The following FBXL17 variants were observed in gnomAD, a reference collection of about 807,000 sequenced individuals.
The protein encoded by FBXL17 is F-box and leucine rich repeat protein 17, also known as F-box/LRR-repeat protein 17.
In FBXL17, 22 loss-of-function variants were observed where a neutral mutation model predicts 66.2. The ratio of observed to expected loss-of-function variants is 0.33; its 90% confidence interval spans 0.24 to 0.47. The LOEUF (loss-of-function observed/expected upper bound fraction) is 0.47, where lower values mean the gene tolerates loss of function less well. Among genes scored for constraint, FBXL17 ranks in the 20% least tolerant of loss-of-function variants. The pLI, the probability that FBXL17 is intolerant of heterozygous loss-of-function variation, is 1.00. For synonymous variants in FBXL17, 474 were observed against 400.5 expected (o/e 1.18, Z -2.19); for missense variants, 878 against 948.2 (o/e 0.93, Z 0.97).
At chr5:107,982,325 C>G (rs1338757413) in intron 7 of FBXL17, among the ~76,000 whole-genome samples, 1 of 151,996 alleles carries the variant, frequency 6.6e-6, no homozygotes, top group Non-Finnish European at 1.5e-5. Flanking sequence ...CTTATCTACA[C>G]AAAAGGCTTT....
In FBXL17 at chr5:108,356,011, T is replaced by C. The variant is rs536503350; in HGVS notation, c.1375-7481A>G. Among the ~76,000 whole-genome samples the C allele has an allele frequency of 3.3e-5, 5 of 152,192 alleles. No homozygotes were observed. In the South Asian group the frequency reaches 1.0e-3, roughly 32 times the overall value. ...GAAATCTACTTTAAATAGACAGAAA[T>C]ATATAAATTAAAAGTAAATGGATGA... On this transcript the variant is annotated intron_variant, in intron 3 of 8. Transcript: ENST00000542267.
chr5:107,901,579 CA>C (rs1396337779), intron 7 of FBXL17, among the ~76,000 whole-genome samples: 2 of 152,108 alleles, frequency 1.3e-5, no homozygotes, highest in Admixed American at 6.6e-5. Context: ...ATTATTTTGA[CA>C]GGGACACACT....
Position 107,860,046 on chromosome 5 carries a change from C to T in FBXL17, c.*1674G>A, listed in dbSNP as rs1294044768. The T allele has an allele frequency of 1.3e-5, 2 of 152,228 alleles. No individual in the cohort carries two copies. Among genetic ancestry groups the T allele is most frequent in the South Asian group, 2.1e-4 (1 of 4,822 alleles). The allele number at this position is 152,228 out of a possible 1,614,324, so 9.4% of individuals were successfully genotyped here. Reference sequence around the variant, plus strand: ...GAAGAATACTCATGGCGCTTACTGACTAGATTTTCCTAACCGATTGGGATT... The same window carrying T: ...GAAGAATACTCATGGCGCTTACTGATTAGATTTTCCTAACCGATTGGGATT... On this transcript the variant is annotated 3_prime_UTR_variant, in exon 9 of 9. Coordinates refer to ENST00000542267, the MANE Select transcript of FBXL17 (RefSeq NM_001163315.3).
rs973323329 is a variant in FBXL17, at chr5:108,381,036, C to A, written c.656G>T (p.Gly219Val). 37 of 1,198,362 alleles carry A rather than the reference C, an allele frequency of 3.1e-5. No homozygotes were observed. Among genetic ancestry groups the A allele is most frequent in the South Asian group, 8.3e-5 (2 of 24,100 alleles). The allele number at this position is 1,198,362 out of a possible 1,614,324, so 74.2% of individuals were successfully genotyped here. A position where few individuals can be genotyped will look rare whatever the true frequency, so the allele number is the denominator to read the frequency against. The change falls in exon 1 of 9, where the codon GGC (glycine) becomes GTC (valine). Residue 219 changes from glycine to valine, a missense_variant. By Grantham distance (109) the Gly-to-Val change is moderately radical (BLOSUM62 -3). This residue lies in a region of FBXL17 where 605 missense variants were observed against 509.5 expected (regional missense o/e 1.19). Coordinates refer to ENST00000542267, the MANE Select transcript of FBXL17 (RefSeq NM_001163315.3). ...PCKQPRCGGG[G>V]CGGGGGGGGG... is the part of the protein sequence containing the mutation. Reference sequence around the variant, plus strand: ...ACCGCCGCCGCCGCCGCCGCCGCAGCCCCCGCCGCCGCAGCGGGGCTGCTT... The same window carrying A: ...ACCGCCGCCGCCGCCGCCGCCGCAGACCCCGCCGCCGCAGCGGGGCTGCTT...
In FBXL17 at chr5:108,313,086, C is replaced by A. The variant is rs185412836; in HGVS notation, c.1506+35313G>T. On this transcript the variant is annotated intron_variant, in intron 4 of 8. Transcript: ENST00000542267. ...AAGCAGCTTTTATTTCTCCTTCTAA[C>A]TTCTGCTCTTGGGTCATCTTTACTG... Among the ~76,000 whole-genome samples, 93 of 152,222 alleles carry A rather than the reference C, an allele frequency of 6.1e-4. 1 individual carries two copies. The East Asian group carries it at 0.017, about 27-fold the overall frequency.
intron 8 of FBXL17, chr5:107,879,553 G>A (rs945956705): frequency 4.2e-5 from 41 of 985,268 alleles, no homozygotes; most frequent in Non-Finnish European, 4.8e-5. Flanking sequence ...AGCTGGCAAA[G>A]GTCTCGTATA....
chr5:108,320,099 AATT>A (rs1759547674), intron 4 of FBXL17, among the ~76,000 whole-genome samples: 1 of 151,674 alleles, frequency 6.6e-6, no homozygotes, highest in Non-Finnish European at 1.5e-5. Flanking sequence ...GCTAGCTAGA[AATT>A]ATTTCACCAC....
chr5:108,059,252 T>A (rs1747829706), intron 6 of FBXL17, among the ~76,000 whole-genome samples: 1 of 152,182 alleles, frequency 6.6e-6, no homozygotes, highest in African/African-American at 2.4e-5. Flanking sequence ...GGTTCAGACC[T>A]GTGGTACATT....
intron 4 of FBXL17, among the ~76,000 whole-genome samples, chr5:108,322,907 G>A (rs6863456): frequency 0.75 from 113,681 of 151,768 alleles, 42,950 homozygotes; most frequent in East Asian, 0.93. Flanking sequence ...TAACATGTTC[G>A]GTTTATAGCT....
chr5:107,994,047 T>G (rs1164687948), intron 7 of FBXL17, among the ~76,000 whole-genome samples: 1 of 152,136 alleles, frequency 6.6e-6, no homozygotes, highest in Non-Finnish European at 1.5e-5. Flanking sequence ...TTATAATTAT[T>G]ATTAATTCTA....
At chr5:108,040,807 G>A (rs1449815542) in intron 6 of FBXL17, among the ~76,000 whole-genome samples, 1 of 152,148 alleles carries the variant, frequency 6.6e-6, no homozygotes, top group East Asian at 1.9e-4. Flanking sequence ...CGTGGAAGTT[G>A]ACTAAGAGAC....
chr5:107,937,775 C>T (rs1384642811), intron 7 of FBXL17, among the ~76,000 whole-genome samples: 1 of 152,130 alleles, frequency 6.6e-6, no homozygotes, highest in Admixed American at 6.6e-5. Flanking sequence ...CAGAATCCTA[C>T]ACACCTCTCA....
chr5:107,990,138 A>G (rs1236027607), intron 7 of FBXL17, among the ~76,000 whole-genome samples: 1 of 152,166 alleles, frequency 6.6e-6, no homozygotes, highest in East Asian at 1.9e-4. Flanking sequence ...GCATCCTCCT[A>G]TGACAGGAAA....
intron 7 of FBXL17, among the ~76,000 whole-genome samples, chr5:107,938,010 C>A (rs1184248265): frequency 6.6e-6 from 1 of 152,176 alleles, no homozygotes; most frequent in Non-Finnish European, 1.5e-5. Flanking sequence ...TGCACAATTT[C>A]ATCAGCATCA....
intron 4 of FBXL17, among the ~76,000 whole-genome samples, chr5:108,307,734 G>A (rs1306966559): frequency 6.6e-6 from 1 of 152,060 alleles, no homozygotes; most frequent in Non-Finnish European, 1.5e-5. Flanking sequence ...TCTTTTGTAT[G>A]AGAGAGCCTG....
At chr5:108,175,935 C>T (rs1419960472) in intron 6 of FBXL17, among the ~76,000 whole-genome samples, 1 of 152,110 alleles carries the variant, frequency 6.6e-6, no homozygotes, top group African/African-American at 2.4e-5. Context: ...GATTTAATCA[C>T]CTTTCTCATA....
intron 6 of FBXL17, among the ~76,000 whole-genome samples, chr5:108,183,925 G>C (rs558429856): frequency 6.6e-6 from 1 of 152,202 alleles, no homozygotes; most frequent in South Asian, 2.1e-4. Context: ...AAACAAGAGA[G>C]AATTTTTATA....
intron 6 of FBXL17, among the ~76,000 whole-genome samples, chr5:108,029,799 G>C (rs1383521911): frequency 6.6e-6 from 1 of 151,870 alleles, no homozygotes; most frequent in East Asian, 1.9e-4. Context: ...CCGAAGGATA[G>C]AGAAAGTCTT....
At position 108,065,962 on chromosome 5, in the gene FBXL17, A is replaced by T. The variant is rs141033808; in HGVS notation, c.1746-44961T>A. On this transcript the variant is annotated intron_variant, in intron 6 of 8. Transcript: ENST00000542267. ...ACAAAACCCCCAAAACTAATGGTAC[A>T]TGAGTACCTGGGGAAGGAAATGGCT... is the stretch of plus-strand genomic sequence containing the variant. Among the ~76,000 whole-genome samples, 35 of 152,302 alleles carry T rather than the reference A, an allele frequency of 2.3e-4. No homozygotes were observed. The East Asian group carries it at 6.8e-3, about 29-fold the overall frequency.
Sources: allele counts gnomAD v4.1 joint callset (sites outside exome capture counted in the v4.1 genomes callset), GRCh38; gene constraint gnomAD v4.1.1; regional missense constraint gnomAD v4.1.1; transcripts MANE v1.5; gene names NCBI Gene and HGNC (gene_info 2026-07-23, HGNC 2026-07-21).